The following CDK7 variants were observed in gnomAD, a reference collection of about 807,000 sequenced individuals.
CDK7 encodes cyclin dependent kinase 7.
In CDK7, 25 loss-of-function variants were observed where a neutral mutation model predicts 49.1. The observed-to-expected ratio is 0.51, with a 90% CI of 0.37 to 0.71. The LOEUF (loss-of-function observed/expected upper bound fraction) is 0.71. Ranked by LOEUF, CDK7 falls within the 30% of genes least tolerant of loss-of-function variation. The pLI is 0.00. For synonymous variants in CDK7, 107 were observed against 140.0 expected, an observed-to-expected ratio of 0.76 and a Z score of 1.67; for missense variants, 316 against 411.7, an observed-to-expected ratio of 0.77 and a Z score of 2.01.
intron 2 of CDK7, among the ~76,000 whole-genome samples, chr5:69,242,202 G>A (rs893034809): frequency 6.6e-6 from 1 of 152,112 alleles, no homozygotes; most frequent in Non-Finnish European, 1.5e-5. Context: ...GGCCAACCAA[G>A]TGAGGAAGAC....
intron 2 of CDK7, among the ~76,000 whole-genome samples, chr5:69,239,259 C>T (rs1408133456): frequency 6.6e-6 from 1 of 152,110 alleles, no homozygotes; most frequent in East Asian, 1.9e-4. Context: ...GACTTTAAAA[C>T]GTTTGTCAAT....
At position 69,235,456 on chromosome 5, in the gene CDK7, G is replaced by T. The variant is rs1438208227; in HGVS notation, c.126+3G>T. ...ACCAAATTGTCGCCATTAAGAAAGT[G>T]AGTTACCTTTTTATGTTGTTTTTAA... On this transcript the variant is annotated splice_donor_region_variant and intron_variant, in intron 2 of 11. Coordinates refer to ENST00000256443, the MANE Select transcript of CDK7 (RefSeq NM_001799.4). 6.3e-6 allele frequency: 10 copies of T among 1,590,220 alleles called. No individual in the cohort carries two copies. The highest frequency in any genetic ancestry group is 8.6e-6 in the Non-Finnish European group (10 of 1,158,782).
At chr5:69,242,440 G>C (rs1371724939) in intron 2 of CDK7, among the ~76,000 whole-genome samples, 1 of 152,116 alleles carries the variant, frequency 6.6e-6, no homozygotes, top group Admixed American at 6.6e-5. Flanking sequence ...AGTGGCACCA[G>C]TTGGTCCATC....
intron 2 of CDK7, among the ~76,000 whole-genome samples, chr5:69,247,666 C>A (rs1333387245): frequency 6.6e-6 from 1 of 151,906 alleles, no homozygotes; most frequent in Non-Finnish European, 1.5e-5. Context: ...TCTGTCCTTT[C>A]TTCCTGTCTT....
In CDK7 at chr5:69,239,129, A is replaced by T. The variant is rs141119122; in HGVS notation, c.126+3676A>T. Among the ~76,000 whole-genome samples, 1,385 of 152,260 alleles carry T rather than the reference A, an allele frequency of 9.1e-3. 10 individuals are homozygous for T. Among genetic ancestry groups the T allele is most frequent in the African/African-American group, 0.03 (1,251 of 41,540 alleles). On this transcript the variant is annotated intron_variant, in intron 2 of 11. Transcript: ENST00000256443. ...AATGTATCTATAATTGAAACAAATT[A>T]TGAATTGATGCTTCAGAGTATCACA...
intron 8 of CDK7, among the ~76,000 whole-genome samples, chr5:69,265,649 C>T (rs1751104120): frequency 1.3e-5 from 2 of 152,204 alleles, no homozygotes; most frequent in South Asian, 2.1e-4. Context: ...GCAGCTCACT[C>T]CTGTAATCCC....
intron 2 of CDK7, among the ~76,000 whole-genome samples, chr5:69,238,412 C>T (rs1021222579): frequency 2.0e-5 from 3 of 151,520 alleles, no homozygotes; most frequent in African/African-American, 7.3e-5. Context: ...AGCCTCCCAA[C>T]CAGCTAGGAG....
intron 1 of CDK7, 24 bp from the exon 2 acceptor site, chr5:69,235,370 T>C (rs773494027): frequency 8.5e-6 from 13 of 1,522,820 alleles, no homozygotes; most frequent in African/African-American, 1.4e-5. Flanking sequence ...CATAAACTTA[T>C]GTTATTTCTA....
chr5:69,250,886 G>C, intron 2 of CDK7: 1 of 456,468 alleles, frequency 2.2e-6, no homozygotes, highest in South Asian at 1.5e-5. Context: ...TCTATAGTGA[G>C]CAAATCATGA....
At position 69,272,268 on chromosome 5, in the gene CDK7, A is replaced by G. The variant is rs563644381; in HGVS notation, c.715-624A>G. Among the ~76,000 whole-genome samples, 4 of 152,282 alleles carry G rather than the reference A, an allele frequency of 2.6e-5. No homozygotes were observed. The East Asian group carries it at 7.7e-4, about 29-fold the overall frequency. ...ATGTATCTCTCTCTCTGCCAATACA[A>G]CAGAGTCTTAATCAAAGTAGCTATA... On this transcript the variant is annotated intron_variant, in intron 9 of 11. Transcript: ENST00000256443.
At position 69,270,081 on chromosome 5, in the gene CDK7, AAAATT is replaced by A. The variant is rs1455433980; in HGVS notation, c.714+792_714+796del. On this transcript the variant is annotated intron_variant, in intron 9 of 11. Transcript: ENST00000256443. Reference sequence around the variant, plus strand: ...ACTCTGTCTCCAAAAAAAAAAAAAAAAAATTAAACTTCTTATTTTGAGAATATTAT... The same window carrying A: ...ACTCTGTCTCCAAAAAAAAAAAAAAAAAACTTCTTATTTTGAGAATATTAT... Among the ~76,000 whole-genome samples, 217 of 79,492 alleles carry A rather than the reference AAAATT, an allele frequency of 2.7e-3. 8 individuals carry two copies. Among genetic ancestry groups the A allele is most frequent in the Middle Eastern group, 8.3e-3 (1 of 120 alleles). The allele number at this position is 79,492 out of a possible 152,430, so 52.1% of individuals were successfully genotyped here. A position where few individuals can be genotyped will look rare whatever the true frequency, so the allele number is the denominator to read the frequency against.
At chr5:69,273,104 A>G in intron 10 of CDK7, 63 bp downstream of exon 10, 2 of 1,138,330 alleles carry the variant, frequency 1.8e-6, no homozygotes, top group Non-Finnish European at 2.4e-6. Context: ...TAGCATTGAT[A>G]AAAATAGAAT....
At chr5:69,269,801 G>C (rs1030789321) in intron 9 of CDK7, among the ~76,000 whole-genome samples, 3 of 150,784 alleles carry the variant, frequency 2.0e-5, no homozygotes, top group Non-Finnish European at 4.4e-5. Context: ...GCCCAGGCTG[G>C]TCTCAAACTC....
intron 5 of CDK7, among the ~76,000 whole-genome samples, chr5:69,256,870 A>G (rs950666322): frequency 1.3e-5 from 2 of 152,138 alleles, no homozygotes; most frequent in Non-Finnish European, 2.9e-5. Context: ...AAAGAAAAAA[A>G]AAAGAAACAA....
At chr5:69,244,543 G>GT (rs1749602681) in intron 2 of CDK7, among the ~76,000 whole-genome samples, 2 of 151,704 alleles carry the variant, frequency 1.3e-5, no homozygotes, top group Non-Finnish European at 2.9e-5. Context: ...GGCTGAGGAG[G>GT]GAGAATTGCT....
intron 2 of CDK7, 78 bp from the exon 3 acceptor site, chr5:69,252,340 G>T: frequency 1.2e-6 from 1 of 859,556 alleles, no homozygotes; most frequent in Non-Finnish European, 1.9e-6. Context: ...AGTATTTGAA[G>T]TATTTACACA....
chr5:69,246,363 C>T (rs1749755783), intron 2 of CDK7, among the ~76,000 whole-genome samples: 1 of 152,076 alleles, frequency 6.6e-6, no homozygotes, highest in Non-Finnish European at 1.5e-5. Context: ...TCTCGATCTT[C>T]TGACCTCGTG....
At chr5:69,248,327 A>G (rs959626085) in intron 2 of CDK7, among the ~76,000 whole-genome samples, 4 of 152,096 alleles carry the variant, frequency 2.6e-5, no homozygotes, top group African/African-American at 9.7e-5. Context: ...GCTCCATTAT[A>G]TGTTACTGGT....
chr5:69,259,217 G>A (rs569271297), intron 6 of CDK7, among the ~76,000 whole-genome samples: 1 of 152,196 alleles, frequency 6.6e-6, no homozygotes, highest in South Asian at 2.1e-4. Flanking sequence ...AATGTTTCTT[G>A]TAGCTCTAAA....
Sources: gnomAD v4.1 joint callset for allele counts (sites outside exome capture counted in the v4.1 genomes callset) on GRCh38, gnomAD v4.1.1 for gene constraint, MANE v1.5 for transcripts, NCBI Gene and HGNC (gene_info 2026-07-23, HGNC 2026-07-21) for gene names.